Variants in ZNF565 observed in about 807,000 individuals in gnomAD.
ZNF565 encodes zinc finger protein 565.
A neutral mutation model predicts 39.4 loss-of-function variants in ZNF565; 27 were observed. The observed-to-expected ratio is 0.69, with a 90% CI of 0.51 to 0.95. The LOEUF (loss-of-function observed/expected upper bound fraction) is 0.95, where lower values mean the gene tolerates loss of function less well. ZNF565 is among the 40% of genes least tolerant of loss of function. The probability of loss-of-function intolerance (pLI) is 0.00; values close to 1 mark genes in which losing one functional copy is unlikely to be tolerated. For synonymous variants in ZNF565, 185 were observed against 216.6 expected (o/e 0.85, Z 1.28); for missense variants, 524 against 621.1 (o/e 0.84, Z 1.66).
At position 36,194,244 on chromosome 19, in the gene ZNF565, G is replaced by T. The variant is rs750823566; in HGVS notation, c.221C>A (p.Pro74Gln). ...CGGCCCTCGCTTACCTGGGCACCAT[G>T]GTCCTGTCACATCATTTGCAATCAT... Reference protein sequence around the residue: ...PWMIANDVTGPWCPDLESRCE... With the variant: ...PWMIANDVTGQWCPDLESRCE... Residue 74 changes from proline (P) to glutamine (Q), a missense_variant, in exon 4 of 5, where the codon CCA becomes CAA. Coordinates refer to ENST00000304116, the MANE Select transcript of ZNF565 (RefSeq NM_152477.5). The T allele has an allele frequency of 4.3e-6, 7 of 1,611,764 alleles. No individual in the cohort carries two copies. The highest frequency in any genetic ancestry group is 5.1e-6 in the Non-Finnish European group (6 of 1,179,014).
At chr19:36,193,624 G>A (rs10415692) in intron 4 of ZNF565, among the ~76,000 whole-genome samples, 5,908 of 151,390 alleles carry the variant, frequency 0.039, 352 homozygotes, top group African/African-American at 0.13. Flanking sequence ...TGTATTTTTA[G>A]TAGAGATGTG....
At position 36,183,664 on chromosome 19, in the gene ZNF565, A is replaced by G. The variant is rs976759506; in HGVS notation, c.302T>C (p.Ile101Thr). 35 of 1,613,982 alleles carry G rather than the reference A, an allele frequency of 2.2e-5. No homozygotes were observed. The South Asian group carries it at 2.2e-4, about 10-fold the overall frequency. Residue 101 changes from isoleucine to threonine, a missense_variant, in exon 5 of 5, where the codon ATA becomes ACA. Transcript: ENST00000304116. The stretch of plus-strand genomic sequence containing the variant: ...GTCACTGCATTTAAGGCTTTCCATT[A>G]TCTCCCAGTTGAATGCCCCGATTTC... ...IFEIGAFNWEIMESLKCSDLE... is the reference protein window; with the variant it reads ...IFEIGAFNWETMESLKCSDLE...
At chr19:36,227,096 A>AT (rs60662850) in intron 1 of ZNF565, among the ~76,000 whole-genome samples, 17 of 148,682 alleles carry the variant, frequency 1.1e-4, no homozygotes, top group South Asian at 6.4e-4. Flanking sequence ...AAAAAAAAAA[A>AT]TTTTTTTTTT....
At chr19:36,222,942 G>A (rs1322338375) in intron 1 of ZNF565, among the ~76,000 whole-genome samples, 1 of 151,212 alleles carries the variant, frequency 6.6e-6, no homozygotes, top group Non-Finnish European at 1.5e-5. Context: ...TGTGGTTGGT[G>A]AGCACAGAGA....
At chr19:36,199,251 A>C (rs1975870454) in intron 2 of ZNF565, among the ~76,000 whole-genome samples, 1 of 152,144 alleles carries the variant, frequency 6.6e-6, no homozygotes, top group South Asian at 2.1e-4. Flanking sequence ...GTTCAACCTC[A>C]AAATGGACCA....
At chr19:36,238,508 G>A (rs1977729093) in intron 1 of ZNF565, 1 of 166,954 alleles carries the variant, frequency 6.0e-6, no homozygotes, top group South Asian at 2.1e-4. Flanking sequence ...GATACTGATT[G>A]ATTCTGGATT....
At chr19:36,223,741 A>G (rs1976960952) in intron 1 of ZNF565, among the ~76,000 whole-genome samples, 1 of 151,934 alleles carries the variant, frequency 6.6e-6, no homozygotes, top group Non-Finnish European at 1.5e-5. Context: ...ATAAAGTTAC[A>G]GTTTTTTGTT....
chr19:36,210,317 G>A (rs1295520225), intron 1 of ZNF565, among the ~76,000 whole-genome samples: 3 of 150,662 alleles, frequency 2.0e-5, no homozygotes, highest in African/African-American at 4.9e-5. Flanking sequence ...CCAGCTACTC[G>A]GGAGGCTGAG....
chr19:36,237,718 G>T (rs1977696204), intron 1 of ZNF565: 1 of 177,254 alleles, frequency 5.6e-6, no homozygotes, highest in South Asian at 1.7e-4. Flanking sequence ...TAAGACTCCT[G>T]TGGTATTGAT....
At chr19:36,242,611 G>C (rs1413102354) in intron 1 of ZNF565, among the ~76,000 whole-genome samples, 1 of 151,820 alleles carries the variant, frequency 6.6e-6, no homozygotes, top group African/African-American at 2.4e-5. Context: ...TCTCATCCCA[G>C]CTACTTGGGA....
chr19:36,184,724 A>G (rs1228611783), intron 4 of ZNF565, among the ~76,000 whole-genome samples: 1 of 152,230 alleles, frequency 6.6e-6, no homozygotes, highest in Non-Finnish European at 1.5e-5. Flanking sequence ...TAAATAAGGC[A>G]TCTATATTTT....
chr19:36,223,045 C>T (rs1356057552), intron 1 of ZNF565, among the ~76,000 whole-genome samples: 1 of 151,908 alleles, frequency 6.6e-6, no homozygotes, highest in Non-Finnish European at 1.5e-5. Context: ...AACCCCTGGG[C>T]CCAAGCAAGT....
At chr19:36,185,146 G>A (rs1975241786) in intron 4 of ZNF565, among the ~76,000 whole-genome samples, 1 of 150,770 alleles carries the variant, frequency 6.6e-6, no homozygotes, top group South Asian at 2.1e-4. Context: ...TGGGTGCAGT[G>A]GCTCATGTCT....
intron 3 of ZNF565, chr19:36,194,714 G>C (rs550668444): frequency 6.0e-6 from 3 of 496,052 alleles, no homozygotes; most frequent in South Asian, 2.1e-5. Flanking sequence ...ACAGCTCACC[G>C]TAAGGACTGC....
intron 4 of ZNF565, among the ~76,000 whole-genome samples, chr19:36,189,227 T>G (rs931106131): frequency 2.6e-5 from 4 of 152,094 alleles, no homozygotes; most frequent in Admixed American, 6.5e-5. Flanking sequence ...AGGCAGAGGT[T>G]GCAGTGAGCC....
At chr19:36,235,406 C>T (rs1163315654) in intron 1 of ZNF565, among the ~76,000 whole-genome samples, 1 of 151,998 alleles carries the variant, frequency 6.6e-6, no homozygotes, top group African/African-American at 2.4e-5. Context: ...AATTTTCTAC[C>T]TAGATCACCT....
chr19:36,211,701 G>A (rs1474186840), intron 1 of ZNF565, among the ~76,000 whole-genome samples: 1 of 151,890 alleles, frequency 6.6e-6, no homozygotes, highest in Admixed American at 6.6e-5. Flanking sequence ...GCTGAGGCAG[G>A]AGAATCGCAT....
chr19:36,192,133 C>T (rs990140289), intron 4 of ZNF565, among the ~76,000 whole-genome samples: 1 of 151,726 alleles, frequency 6.6e-6, no homozygotes, highest in African/African-American at 2.4e-5. Context: ...GGACTACAGG[C>T]ACCCGCCACC....
At chr19:36,226,004 A>C (rs1977051626) in intron 1 of ZNF565, among the ~76,000 whole-genome samples, 1 of 151,992 alleles carries the variant, frequency 6.6e-6, no homozygotes, top group Non-Finnish European at 1.5e-5. Context: ...TCTGAGCTCA[A>C]GTGATCCTGC....
Sources: allele counts gnomAD v4.1 joint callset (sites outside exome capture counted in the v4.1 genomes callset), GRCh38; gene constraint gnomAD v4.1.1; transcripts MANE v1.5; gene names NCBI Gene and HGNC (gene_info 2026-07-23, HGNC 2026-07-21).